Variants in TMEM232 observed in about 807,000 individuals in gnomAD.
TMEM232 encodes the protein transmembrane protein 232.
TMEM232 carries 80 observed loss-of-function variants against 78.8 expected under a neutral mutation model. The observed-to-expected ratio is 1.01, with a 90% CI of 0.85 to 1.22. The LOEUF is 1.22. TMEM232 is among the 50% of genes most tolerant of loss of function. The pLI, the probability that TMEM232 is intolerant of heterozygous loss-of-function variation, is 0.00. For missense variants in TMEM232, 881 were observed against 742.2 expected, an observed-to-expected ratio of 1.19 and a Z score of -2.17; for synonymous variants, 297 against 254.3, an observed-to-expected ratio of 1.17 and a Z score of -1.60.
intron 12 of TMEM232, among the ~76,000 whole-genome samples, chr5:110,431,715 T>C (rs934330522): frequency 6.6e-6 from 1 of 151,616 alleles, no homozygotes; most frequent in Non-Finnish European, 1.5e-5. Flanking sequence ...ACTTATAGAA[T>C]TGACAAAAAA....
intron 11 of TMEM232, among the ~76,000 whole-genome samples, chr5:110,547,563 C>T (rs991082336): frequency 7.9e-5 from 12 of 152,010 alleles, no homozygotes; most frequent in Admixed American, 3.3e-4. Context: ...TCTTTTATAA[C>T]CTAAGTCATA....
At chr5:110,670,712 C>T (rs1191113804) in intron 1 of TMEM232, among the ~76,000 whole-genome samples, 6 of 151,952 alleles carry the variant, frequency 3.9e-5, no homozygotes. Context: ...ATGCTATTCC[C>T]AAGCAGAATT....
At chr5:110,714,064 C>T (rs939382815) in intron 1 of TMEM232, among the ~76,000 whole-genome samples, 2 of 152,144 alleles carry the variant, frequency 1.3e-5, no homozygotes, top group African/African-American at 4.8e-5. Context: ...TTTCTAAGGA[C>T]AGAGAGTGTG....
At chr5:110,423,780 C>T (rs1024644455) in intron 13 of TMEM232, among the ~76,000 whole-genome samples, 36 of 142,476 alleles carry the variant, frequency 2.5e-4, no homozygotes, top group East Asian at 1.8e-3. Flanking sequence ...TTTATGCGTG[C>T]GTGTGTGTGT....
intron 12 of TMEM232, among the ~76,000 whole-genome samples, chr5:110,455,349 G>C (rs1439423564): frequency 6.6e-6 from 1 of 151,118 alleles, no homozygotes; most frequent in East Asian, 1.9e-4. Flanking sequence ...AAAACCTAGT[G>C]AACAATATTT....
intron 12 of TMEM232, among the ~76,000 whole-genome samples, chr5:110,515,433 C>A (rs1025768526): frequency 6.6e-6 from 1 of 151,940 alleles, no homozygotes. Context: ...TTAGATGATA[C>A]CTAACTGATT....
intron 12 of TMEM232, among the ~76,000 whole-genome samples, chr5:110,489,789 A>C (rs1764832175): frequency 6.6e-6 from 1 of 152,074 alleles, no homozygotes; most frequent in African/African-American, 2.4e-5. Flanking sequence ...GCACTAATAA[A>C]TGAATTCATC....
intron 10 of TMEM232, among the ~76,000 whole-genome samples, chr5:110,600,995 G>A (rs111730649): frequency 0.045 from 6,828 of 152,190 alleles, 549 homozygotes; most frequent in African/African-American, 0.16. Context: ...ATGCAAGGCT[G>A]GTTCAACATA....
intron 1 of TMEM232, among the ~76,000 whole-genome samples, chr5:110,711,335 C>T (rs534720520): frequency 1.3e-5 from 2 of 152,134 alleles, no homozygotes; most frequent in Admixed American, 6.5e-5. Context: ...TCCACAGTAC[C>T]CAAGACAATC....
intron 12 of TMEM232, among the ~76,000 whole-genome samples, chr5:110,485,119 A>G (rs1431763775): frequency 1.3e-5 from 2 of 152,170 alleles, no homozygotes; most frequent in Non-Finnish European, 2.9e-5. Flanking sequence ...TTGATCCAGG[A>G]ATCCTACTAC....
At chr5:110,657,187 T>C (rs780967730) in intron 2 of TMEM232, among the ~76,000 whole-genome samples, 6 of 152,224 alleles carry the variant, frequency 3.9e-5, no homozygotes, top group Non-Finnish European at 7.3e-5. Context: ...AATAACACTA[T>C]GGAGGTTCCT....
intron 1 of TMEM232, among the ~76,000 whole-genome samples, chr5:110,693,673 C>G (rs1440256525): frequency 1.3e-5 from 2 of 152,148 alleles, no homozygotes; most frequent in Middle Eastern, 3.4e-3. Flanking sequence ...GCCTCAGTAG[C>G]CGATGTGATC....
chr5:110,724,349 T>C (rs573739146), intron 1 of TMEM232, among the ~76,000 whole-genome samples: 16 of 152,120 alleles, frequency 1.1e-4, no homozygotes, highest in Admixed American at 6.6e-5. Flanking sequence ...TCTCTTGAGC[T>C]CTAGATTTGT....
chr5:110,560,119 G>A (rs1217077690), intron 11 of TMEM232, among the ~76,000 whole-genome samples: 5 of 151,940 alleles, frequency 3.3e-5, no homozygotes, highest in African/African-American at 1.2e-4. Context: ...TCTCTTTTTG[G>A]GAGCTACACA....
intron 2 of TMEM232, among the ~76,000 whole-genome samples, chr5:110,645,132 T>C (rs1787303593): frequency 6.6e-6 from 1 of 151,516 alleles, no homozygotes; most frequent in African/African-American, 2.4e-5. Context: ...GGTTTCATGG[T>C]TGAATTCAAG....
intron 10 of TMEM232, among the ~76,000 whole-genome samples, chr5:110,587,878 T>G (rs774632713): frequency 5.3e-5 from 8 of 149,656 alleles, no homozygotes; most frequent in African/African-American, 2.0e-4. Context: ...TCAGTGATAC[T>G]ATACTTTTAG....
intron 10 of TMEM232, among the ~76,000 whole-genome samples, chr5:110,598,004 T>C (rs1409987444): frequency 6.6e-6 from 1 of 152,054 alleles, no homozygotes; most frequent in Admixed American, 6.6e-5. Context: ...GAAGCCAAAA[T>C]TGACAAATGG....
Position 110,642,347 on chromosome 5 carries a change from T to G in TMEM232, c.150A>C (p.Glu50Asp). Residue 50 changes from glutamate to aspartate, a missense_variant, in exon 3 of 14, where the codon GAA (glutamate) becomes GAC (aspartate). Physicochemically the swap from Glu to Asp is conservative, Grantham distance 45. Transcript: ENST00000455884. ...KSRPTFSITK[E>D]FILRFNQTQN... The stretch of plus-strand genomic sequence containing the variant: ...GTGTTTGATTGAATCTCAAGATGAA[T>G]TCTTTTGTGATTGAAAATGTTGGCC... 1.3e-6 allele frequency: 2 copies of G among 1,526,190 alleles called. No homozygotes were observed. The highest frequency in any genetic ancestry group is 1.8e-6 in the Non-Finnish European group (2 of 1,137,904). 94.5% of individuals were successfully genotyped at this position (1,526,190 alleles called of 1,614,324 possible).
chr5:110,508,905 AAATTATATATATGTATATATAT>A (rs1005595205), intron 12 of TMEM232, among the ~76,000 whole-genome samples: 9 of 142,096 alleles, frequency 6.3e-5, no homozygotes, highest in African/African-American at 1.3e-4. Context: ...TATATATATA[AAATTATATATATGTATATATAT>A]AATTATATAT....
Sources: allele counts gnomAD v4.1 joint callset (sites outside exome capture counted in the v4.1 genomes callset), GRCh38; gene constraint gnomAD v4.1.1; transcripts MANE v1.5; gene names NCBI Gene and HGNC (gene_info 2026-07-23, HGNC 2026-07-21).